Variants in BMERB1 observed in about 807,000 individuals in gnomAD.
The protein encoded by BMERB1 is bMERB domain-containing protein 1.
Under a neutral mutation model 23.6 loss-of-function variants are expected in BMERB1, and 12 were observed. The ratio of observed to expected loss-of-function variants is 0.51; its 90% CI spans 0.33 to 0.82. BMERB1 has a LOEUF of 0.82. Among genes scored for constraint, BMERB1 ranks in the 40% least tolerant of loss-of-function variants. BMERB1 has a pLI of 0.03. For missense variants in BMERB1, 247 were observed against 255.4 expected (o/e 0.97, Z 0.22); for synonymous variants, 122 against 96.6 (o/e 1.26, Z -1.54).
chr16:15,480,834 G>A (rs551992715), intron 1 of BMERB1, among the ~76,000 whole-genome samples: 18 of 151,376 alleles, frequency 1.2e-4, no homozygotes, highest in African/African-American at 3.6e-4. Context: ...GGATGGTTTC[G>A]ATCTCTTGAC....
At chr16:15,502,718 ACT>A (rs1298110377) in intron 1 of BMERB1, among the ~76,000 whole-genome samples, 2 of 151,698 alleles carry the variant, frequency 1.3e-5, no homozygotes, top group African/African-American at 2.4e-5. Context: ...GGGATTCAAG[ACT>A]CTCTTTTGGG....
intron 1 of BMERB1, among the ~76,000 whole-genome samples, chr16:15,509,501 T>C (rs1047539297): frequency 2.0e-5 from 3 of 152,166 alleles, no homozygotes; most frequent in African/African-American, 7.2e-5. Flanking sequence ...CAGGTAACTA[T>C]TGAATTCTTG....
chr16:15,462,521 G>A (rs538534678), intron 1 of BMERB1, among the ~76,000 whole-genome samples: 1 of 152,206 alleles, frequency 6.6e-6, no homozygotes, highest in South Asian at 2.1e-4. Flanking sequence ...TAGGGGACCT[G>A]AGTTAACCTG....
At chr16:15,542,160 T>C (rs2052091755) in intron 2 of BMERB1, among the ~76,000 whole-genome samples, 1 of 149,566 alleles carries the variant, frequency 6.7e-6, no homozygotes, top group South Asian at 2.1e-4. Flanking sequence ...GCCTCCCAGG[T>C]TCAAGCAATT....
At chr16:15,496,236 G>A (rs923779025) in intron 1 of BMERB1, among the ~76,000 whole-genome samples, 1 of 152,118 alleles carries the variant, frequency 6.6e-6, no homozygotes, top group African/African-American at 2.4e-5. Flanking sequence ...AATGGTGATA[G>A]TGGTGATGAT....
At chr16:15,574,181 G>A (rs1369787409) in intron 3 of BMERB1, among the ~76,000 whole-genome samples, 2 of 152,148 alleles carry the variant, frequency 1.3e-5, no homozygotes, top group African/African-American at 4.8e-5. Flanking sequence ...AATGAACGCA[G>A]GAGGAACTGC....
chr16:15,581,258 C>T lies in BMERB1; in HGVS notation c.346C>T (p.Leu116=). 6.2e-7 allele frequency: 1 copy of T among 1,614,018 alleles called. No individual in the cohort carries two copies. The highest frequency in any genetic ancestry group is 8.5e-7 in the Non-Finnish European group (1 of 1,179,974). The change falls in exon 4 of 6, where the codon CTA becomes TTA. Residue 116 remains leucine, a synonymous_variant. Transcript: ENST00000300006. ...ACTGCAGAAGCAGAGAGAGGATGAG[C>T]TAATCCAGAAGATCCACAAACTGGT... ...TKLQKQREDE[L]IQKIHKLVQK...
At chr16:15,468,587 G>A (rs999517408) in intron 1 of BMERB1, among the ~76,000 whole-genome samples, 4 of 152,138 alleles carry the variant, frequency 2.6e-5, no homozygotes, top group Non-Finnish European at 1.5e-5. Context: ...ACATGCCCTT[G>A]GCTGAGAGGA....
At chr16:15,474,729 C>A (rs762837203) in intron 1 of BMERB1, among the ~76,000 whole-genome samples, 68 of 151,758 alleles carry the variant, frequency 4.5e-4, no homozygotes, top group Non-Finnish European at 9.4e-4. Context: ...TGCTCTATTG[C>A]CCAGGCTGGA....
chr16:15,538,234 C>T (rs573234066), intron 2 of BMERB1, among the ~76,000 whole-genome samples: 1 of 152,092 alleles, frequency 6.6e-6, no homozygotes, highest in Non-Finnish European at 1.5e-5. Flanking sequence ...GGGTGGATCA[C>T]TTAGGTCAGG....
intron 1 of BMERB1, among the ~76,000 whole-genome samples, chr16:15,444,114 A>G (rs2050965630): frequency 2.2e-5 from 1 of 44,662 alleles, no homozygotes; most frequent in African/African-American, 1.1e-4. Flanking sequence ...GGGTCCAGGC[A>G]CCAGCTTTGT....
intron 1 of BMERB1, among the ~76,000 whole-genome samples, chr16:15,447,661 A>G (rs904268526): frequency 1.3e-5 from 2 of 152,264 alleles, no homozygotes; most frequent in African/African-American, 4.8e-5. Flanking sequence ...GAATAGTTGG[A>G]GAGAAGGAAG....
chr16:15,513,758 G>C (rs567037029), intron 1 of BMERB1, among the ~76,000 whole-genome samples: 1 of 152,044 alleles, frequency 6.6e-6, no homozygotes, highest in Admixed American at 6.6e-5. Context: ...GCCGGGTGTC[G>C]TGGCATAAAC....
chr16:15,473,084 T>C (rs1226781555), intron 1 of BMERB1, among the ~76,000 whole-genome samples: 1 of 151,852 alleles, frequency 6.6e-6, no homozygotes, highest in African/African-American at 2.4e-5. Flanking sequence ...GGTCTCAAAC[T>C]CCTGACCTCA....
intron 2 of BMERB1, among the ~76,000 whole-genome samples, chr16:15,558,564 C>T (rs917433447): frequency 1.3e-5 from 2 of 151,904 alleles, no homozygotes; most frequent in South Asian, 2.1e-4. Context: ...TCAACGGGTT[C>T]GAACTGGACA....
intron 2 of BMERB1, chr16:15,533,113 C>G (rs1487545205): frequency 2.4e-6 from 1 of 424,382 alleles, no homozygotes; most frequent in Non-Finnish European, 4.7e-6. Flanking sequence ...ATATTAAGTG[C>G]TCAGTCCAGT....
intron 2 of BMERB1, among the ~76,000 whole-genome samples, chr16:15,545,162 G>A (rs756914122): frequency 2.6e-5 from 4 of 151,910 alleles, no homozygotes; most frequent in Admixed American, 6.6e-5. Flanking sequence ...TAGTAGAGAC[G>A]GGGTTTCACC....
intron 1 of BMERB1, among the ~76,000 whole-genome samples, chr16:15,481,810 C>T (rs545681168): frequency 6.6e-6 from 1 of 151,448 alleles, no homozygotes; most frequent in Non-Finnish European, 1.5e-5. Context: ...CTGCAACCTC[C>T]ACCTCCCAGG....
At chr16:15,438,905 T>G (rs2150919970) in intron 1 of BMERB1, among the ~76,000 whole-genome samples, 1 of 152,344 alleles carries the variant, frequency 6.6e-6, no homozygotes. Flanking sequence ...TTAGTACTTT[T>G]GTTTCTATGG....
Sources: allele counts gnomAD v4.1 joint callset (sites outside exome capture counted in the v4.1 genomes callset), GRCh38; gene constraint gnomAD v4.1.1; transcripts MANE v1.5; gene names NCBI Gene and HGNC (gene_info 2026-07-23, HGNC 2026-07-21).